The following ANKRD12 variants were observed in gnomAD, a reference collection of about 807,000 sequenced individuals.
ANKRD12 encodes the protein ankyrin repeat domain 12.
In ANKRD12, 85 loss-of-function variants were observed where a neutral mutation model predicts 183.4. That is an observed-to-expected ratio of 0.46 (90% CI 0.39 to 0.56). The LOEUF is 0.56. Among genes scored for constraint, ANKRD12 ranks in the 20% least tolerant of loss-of-function variants. ANKRD12 has a pLI of 0.00. For missense variants in ANKRD12, 2,405 were observed against 2,357.1 expected, an observed-to-expected ratio of 1.02 and a Z score of -0.42; for synonymous variants, 914 against 800.2, an observed-to-expected ratio of 1.14 and a Z score of -2.40.
intron 1 of ANKRD12, among the ~76,000 whole-genome samples, chr18:9,142,129 T>C (rs554869987): frequency 6.6e-6 from 1 of 152,272 alleles, no homozygotes; most frequent in Non-Finnish European, 1.5e-5. Context: ...AGATTTCAGA[T>C]TGTTACTCCT....
At chr18:9,222,747 A>G (rs2036491239) in intron 8 of ANKRD12, among the ~76,000 whole-genome samples, 1 of 152,186 alleles carries the variant, frequency 6.6e-6, no homozygotes, top group South Asian at 2.1e-4. Context: ...TGGATCATTT[A>G]TAGTTTTGAG....
chr18:9,162,863 A>G (rs1023952386), intron 1 of ANKRD12, among the ~76,000 whole-genome samples: 5 of 151,800 alleles, frequency 3.3e-5, no homozygotes, highest in African/African-American at 9.7e-5. Context: ...GTGTCTGTTC[A>G]TGTTCTTTGC....
At position 9,254,382 on chromosome 18, in the gene ANKRD12, A is replaced by C; in HGVS notation, c.1115A>C (p.Asn372Thr). The C allele has an allele frequency of 7.5e-6, 12 of 1,609,074 alleles. No individual in the cohort carries two copies. The highest frequency in any genetic ancestry group is 1.0e-5 in the Non-Finnish European group (12 of 1,178,400). Residue 372 changes from asparagine to threonine, a missense_variant, in exon 9 of 13, where the codon AAT (asparagine) becomes ACT (threonine). This residue lies in a region of ANKRD12 where 1,983 missense variants were observed against 1,725.9 expected (regional missense o/e 1.15). Coordinates refer to ENST00000262126, the MANE Select transcript of ANKRD12 (RefSeq NM_015208.5). ...AAAGATGATGATGATGAAGAAATTA[A>C]TAAGATGATTGATGATAGGCATATT... ...EFKDDDDEEINKMIDDRHILR... is the reference protein window; with the variant it reads ...EFKDDDDEEITKMIDDRHILR...
rs779216549 is a variant in ANKRD12, at chr18:9,257,034, C to G, written c.3767C>G (p.Pro1256Arg). The G allele has an allele frequency of 1.2e-6, 2 of 1,613,996 alleles. No individual in the cohort carries two copies. The highest frequency in any genetic ancestry group is 2.7e-5 in the African/African-American group (2 of 74,910). The part of the protein sequence containing the change: ...QSPFLSIAKS[P>R]ALHERELDSL... Reference sequence around the variant, plus strand: ...CCTTTTTTGTCAATTGCCAAATCTCCTGCTCTTCATGAAAGGGAATTGGAC... The same window carrying G: ...CCTTTTTTGTCAATTGCCAAATCTCGTGCTCTTCATGAAAGGGAATTGGAC... The change falls in exon 9 of 13, where the codon CCT (proline) becomes CGT (arginine). Residue 1256 changes from proline (P) to arginine (R), a missense_variant. Physicochemically the swap from Pro to Arg is moderately radical, Grantham distance 103. Transcript: ENST00000262126.
At chr18:9,140,771 A>G (rs1212355127) in intron 1 of ANKRD12, among the ~76,000 whole-genome samples, 1 of 152,212 alleles carries the variant, frequency 6.6e-6, no homozygotes, top group African/African-American at 2.4e-5. Context: ...CTGGAAACCA[A>G]CCTCAGTATT....
intron 8 of ANKRD12, among the ~76,000 whole-genome samples, chr18:9,247,840 T>G (rs1383007252): frequency 6.6e-6 from 1 of 152,108 alleles, no homozygotes; most frequent in African/African-American, 2.4e-5. Flanking sequence ...TTCATTCTTG[T>G]TGCCCAGGCT....
At chr18:9,226,826 A>T (rs1273633275) in intron 8 of ANKRD12, among the ~76,000 whole-genome samples, 4 of 151,960 alleles carry the variant, frequency 2.6e-5, no homozygotes, top group African/African-American at 4.8e-5. Flanking sequence ...GCTCTTTTTT[A>T]AAAAAAATAA....
In ANKRD12 at chr18:9,254,452, A is replaced by T; in HGVS notation, c.1185A>T (p.Lys395Asn). 2 of 1,570,108 alleles carry T rather than the reference A, an allele frequency of 1.3e-6. No individual in the cohort carries two copies. Among genetic ancestry groups the T allele is most frequent in the South Asian group, 2.4e-5 (2 of 82,258 alleles). Residue 395 changes from lysine (K) to asparagine (N), a missense_variant, in exon 9 of 13, where the codon AAA becomes AAT. Physicochemically the swap from Lys to Asn is moderately conservative, Grantham distance 94. Coordinates refer to ENST00000262126, the MANE Select transcript of ANKRD12 (RefSeq NM_015208.5). ...QRKENEPEAE[K>N]THLFAKQEKA... ...AAGAAAATGAACCTGAAGCAGAAAA[A>T]ACTCATTTATTTGCAAAACAGGAGA...
intron 11 of ANKRD12, 127 bp downstream of exon 11, chr18:9,275,794 CTCTT>C (rs1442812209): frequency 2.4e-5 from 22 of 903,984 alleles, no homozygotes; most frequent in Non-Finnish European, 3.3e-5. Context: ...AGAAAAAAAA[CTCTT>C]TCAAGCCAGA....
intron 8 of ANKRD12, among the ~76,000 whole-genome samples, chr18:9,229,611 A>G (rs1219223443): frequency 6.6e-6 from 1 of 151,976 alleles, no homozygotes; most frequent in East Asian, 1.9e-4. Context: ...CAGCTGTTTC[A>G]TTATTGGTGT....
chr18:9,254,347 G>A lies in ANKRD12; in HGVS notation c.1080G>A (p.Glu360=). ...SKTPLPSALD[E]YEFKDDDDEE... Reference sequence around the variant, plus strand: ...CACCTCTTCCATCTGCCCTTGATGAGTATGAGTTCAAAGATGATGATGATG... The same window carrying A: ...CACCTCTTCCATCTGCCCTTGATGAATATGAGTTCAAAGATGATGATGATG... Residue 360 remains glutamate, a synonymous_variant, in exon 9 of 13, where the codon GAG becomes GAA. Transcript: ENST00000262126. 6.2e-7 allele frequency: 1 copy of A among 1,612,778 alleles called. No homozygotes were observed. The highest frequency in any genetic ancestry group is 2.2e-5 in the East Asian group (1 of 44,768).
chr18:9,157,153 A>G (rs1568230290), intron 1 of ANKRD12, among the ~76,000 whole-genome samples: 1 of 152,230 alleles, frequency 6.6e-6, no homozygotes, highest in Non-Finnish European at 1.5e-5. Context: ...AATAGTTGAA[A>G]ATACTATTAA....
chr18:9,226,141 A>G (rs1410336238), intron 8 of ANKRD12, among the ~76,000 whole-genome samples: 1 of 152,178 alleles, frequency 6.6e-6, no homozygotes, highest in African/African-American at 2.4e-5. Context: ...AATATTTCCA[A>G]GGCCGGGCAC....
At chr18:9,211,504 C>A in intron 5 of ANKRD12, 80 bp from the exon 6 acceptor site, 1 of 1,275,196 alleles carries the variant, frequency 7.8e-7, no homozygotes, top group Non-Finnish European at 1.1e-6. Context: ...AGGAGATTAG[C>A]ATATTACCAA....
chr18:9,211,431 C>T (rs1199050090), intron 5 of ANKRD12, among the ~76,000 whole-genome samples, 153 bp from the exon 6 acceptor site: 1 of 152,052 alleles, frequency 6.6e-6, no homozygotes, highest in Non-Finnish European at 1.5e-5. Context: ...GTATTTGGGT[C>T]ATTAACGGAT....
intron 1 of ANKRD12, among the ~76,000 whole-genome samples, chr18:9,169,762 T>C (rs1161355427): frequency 3.9e-5 from 6 of 152,240 alleles, no homozygotes; most frequent in Admixed American, 3.9e-4. Flanking sequence ...ATTATGATGT[T>C]AGCTGGTTAT....
At chr18:9,205,640 A>G (rs2035446207) in intron 4 of ANKRD12, among the ~76,000 whole-genome samples, 2 of 152,172 alleles carry the variant, frequency 1.3e-5, no homozygotes, top group South Asian at 4.1e-4. Context: ...AGCTGTATGT[A>G]TATGAAGCCA....
chr18:9,177,946 T>G (rs1250580706), intron 1 of ANKRD12, among the ~76,000 whole-genome samples: 3 of 151,692 alleles, frequency 2.0e-5, no homozygotes, highest in Non-Finnish European at 4.4e-5. Flanking sequence ...TAAATTGGGT[T>G]GTTTATCTTA....
At chr18:9,274,592 T>C (rs1230324731) in intron 10 of ANKRD12, among the ~76,000 whole-genome samples, 2 of 152,220 alleles carry the variant, frequency 1.3e-5, no homozygotes, top group Non-Finnish European at 2.9e-5. Flanking sequence ...GTAGCAGGTT[T>C]CTTTTTGGAG....
Sources: gnomAD v4.1 joint callset for allele counts (sites outside exome capture counted in the v4.1 genomes callset) on GRCh38, gnomAD v4.1.1 for gene constraint, gnomAD v4.1.1 regional missense constraint, MANE v1.5 for transcripts, NCBI Gene and HGNC (gene_info 2026-07-23, HGNC 2026-07-21) for gene names.